The following SLC9B2 variants were observed in gnomAD, a reference collection of about 807,000 sequenced individuals.
The protein encoded by SLC9B2 is solute carrier family 9 member B2.
In SLC9B2, 39 loss-of-function variants were observed where a neutral mutation model predicts 52.2. The observed-to-expected ratio is 0.75, with a 90% CI of 0.58 to 0.98. The LOEUF (loss-of-function observed/expected upper bound fraction) is 0.98, where lower values mean the gene tolerates loss of function less well. Among genes scored for constraint, SLC9B2 ranks in the 50% least tolerant of loss-of-function variants. The pLI is 0.00. For synonymous variants in SLC9B2, 214 were observed against 227.0 expected (o/e 0.94, Z 0.51); for missense variants, 626 against 637.5 (o/e 0.98, Z 0.19).
intron 1 of SLC9B2, among the ~76,000 whole-genome samples, chr4:103,073,953 T>G (rs958469049): frequency 4.6e-5 from 7 of 152,216 alleles, no homozygotes; most frequent in Admixed American, 2.0e-4. Flanking sequence ...AATCAATCTC[T>G]GTAACACCAT....
At chr4:103,067,742 G>T (rs7674212) in intron 1 of SLC9B2, 150 bp from the exon 2 acceptor site, 251,112 of 552,728 alleles carry the variant, frequency 0.45, 61,818 homozygotes, top group African/African-American at 0.84. Context: ...GCTGGTTATT[G>T]TTTTTGCTTG....
chr4:103,049,282 A>C (rs1560550690), intron 5 of SLC9B2, among the ~76,000 whole-genome samples: 1 of 152,230 alleles, frequency 6.6e-6, no homozygotes, highest in African/African-American at 2.4e-5. Flanking sequence ...CACAGGCTAA[A>C]GGCATTTGCC....
At chr4:103,062,667 C>T (rs1745770025) in intron 3 of SLC9B2, among the ~76,000 whole-genome samples, 2 of 152,186 alleles carry the variant, frequency 1.3e-5, no homozygotes, top group Non-Finnish European at 2.9e-5. Context: ...GTCACCCAGG[C>T]TGCAGTGCAA....
Position 103,022,890 on chromosome 4 carries a change from G to A in SLC9B2, c.*3480C>T, listed in dbSNP as rs1363902833. ...CCCTTATAAGAAGAGACACCAGAGAGCTTGCTTGCTCTCTCTCGGCATCAA... is the reference window on the plus strand; with the variant it reads ...CCCTTATAAGAAGAGACACCAGAGAACTTGCTTGCTCTCTCTCGGCATCAA... On this transcript the variant is annotated 3_prime_UTR_variant, in exon 12 of 12. Coordinates refer to ENST00000394785, the MANE Select transcript of SLC9B2 (RefSeq NM_178833.7). Among the ~76,000 whole-genome samples, 1 of 152,178 alleles carries A rather than the reference G, an allele frequency of 6.6e-6. No individual in the cohort carries two copies. Among genetic ancestry groups the A allele is most frequent in the Non-Finnish European group, 1.5e-5 (1 of 68,032 alleles).
At chr4:103,059,411 C>T (rs1468795455) in intron 3 of SLC9B2, among the ~76,000 whole-genome samples, 1 of 152,148 alleles carries the variant, frequency 6.6e-6, no homozygotes, top group African/African-American at 2.4e-5. Flanking sequence ...TAAATTTCAA[C>T]AAAAGGAAAA....
At chr4:103,072,056 G>GTTTTTTTTTT (rs779979130) in intron 1 of SLC9B2, among the ~76,000 whole-genome samples, 4,099 of 94,894 alleles carry the variant, frequency 0.043, 533 homozygotes, top group South Asian at 0.076. Context: ...TGGCTTTCAT[G>GTTTTTTTTTT]TTTTTTTTTT....
chr4:103,019,708 G>A (rs1741653897), downstream of SLC9B2: 8 of 985,410 alleles, frequency 8.1e-6, no homozygotes, highest in Admixed American at 1.2e-4. Flanking sequence ...GCGAAAGCCC[G>A]GATAGACTTC....
chr4:103,045,119 T>C (rs1487376098), intron 7 of SLC9B2, 123 bp from the exon 8 acceptor site: 4 of 644,600 alleles, frequency 6.2e-6, no homozygotes, highest in Non-Finnish European at 1.1e-5. Flanking sequence ...AGTTTCTGCT[T>C]TCCATATTCT....
chr4:103,033,310 C>G (rs1285195389), intron 9 of SLC9B2, among the ~76,000 whole-genome samples: 1 of 152,174 alleles, frequency 6.6e-6, no homozygotes, highest in South Asian at 2.1e-4. Flanking sequence ...AACCCAGAGA[C>G]AGCATCATCA....
At chr4:103,055,548 T>C (rs1344157745) in intron 4 of SLC9B2, among the ~76,000 whole-genome samples, 1 of 152,046 alleles carries the variant, frequency 6.6e-6, no homozygotes, top group African/African-American at 2.4e-5. Context: ...GATAAATAAT[T>C]CTACTTCTTT....
At chr4:103,027,274 T>C (rs1742307508) in intron 11 of SLC9B2, among the ~76,000 whole-genome samples, 1 of 152,264 alleles carries the variant, frequency 6.6e-6, no homozygotes, top group South Asian at 2.1e-4. Context: ...TTTAGGAATG[T>C]GGAACTAAAA....
intron 6 of SLC9B2, among the ~76,000 whole-genome samples, chr4:103,048,133 T>C (rs1008317628): frequency 6.6e-6 from 1 of 152,256 alleles, no homozygotes; most frequent in African/African-American, 2.4e-5. Flanking sequence ...GTCACATTGA[T>C]ACCAGTAACA....
Position 103,025,017 on chromosome 4 carries a change from A to T in SLC9B2, c.*1353T>A, listed in dbSNP as rs1742080448. The stretch of plus-strand genomic sequence containing the variant: ...GAATATGCTACTGAATGATGGTAAC[A>T]TCCAACACAGTGGAAGCTCTGGCCC... On this transcript the variant is annotated 3_prime_UTR_variant, in exon 12 of 12. Coordinates refer to ENST00000394785, the MANE Select transcript of SLC9B2 (RefSeq NM_178833.7). Among the ~76,000 whole-genome samples, 1 of 152,320 alleles carries T rather than the reference A, an allele frequency of 6.6e-6. No homozygotes were observed. Among genetic ancestry groups the T allele is most frequent in the Middle Eastern group, 3.4e-3 (1 of 294 alleles).
At chr4:103,058,183 A>T (rs1287276971) in intron 3 of SLC9B2, among the ~76,000 whole-genome samples, 2 of 152,174 alleles carry the variant, frequency 1.3e-5, no homozygotes, top group Non-Finnish European at 2.9e-5. Context: ...GAATCTGCCT[A>T]TGTGCCCCTC....
intron 9 of SLC9B2, among the ~76,000 whole-genome samples, chr4:103,036,770 G>A (rs1743218547): frequency 2.0e-5 from 3 of 151,616 alleles, no homozygotes; most frequent in Admixed American, 2.0e-4. Context: ...AATTGATAAT[G>A]CTTTTTTGGA....
chr4:103,045,370 A>T (rs1402929962), intron 7 of SLC9B2, among the ~76,000 whole-genome samples: 2 of 152,190 alleles, frequency 1.3e-5, no homozygotes, highest in African/African-American at 4.8e-5. Context: ...AATTTTATTT[A>T]GCTAGGATCG....
At position 103,044,991 on chromosome 4, in the gene SLC9B2, T is replaced by C. The variant is rs139956612; in HGVS notation, c.895A>G (p.Thr299Ala). ...CLGIAFSTGS[T>A]VFNVLRGVLE... ...ACTCCTCTGAGGACATTAAAGACAG[T>C]AGAGCCTGAAAAATATATTAAAAAA... The change falls in exon 8 of 12, where the codon ACT becomes GCT. Residue 299 changes from threonine (T) to alanine (A), a missense_variant. Thr to Ala is a moderately conservative substitution (Grantham distance 58). Coordinates refer to ENST00000394785, the MANE Select transcript of SLC9B2 (RefSeq NM_178833.7). The C allele has an allele frequency of 1.3e-5, 21 of 1,608,098 alleles. No homozygotes were observed. The African/African-American group carries it at 2.4e-4, about 18-fold the overall frequency.
At chr4:103,028,935 G>A in intron 10 of SLC9B2, 52 bp from the exon 11 acceptor site, 1 of 1,385,576 alleles carries the variant, frequency 7.2e-7, no homozygotes, top group Admixed American at 2.8e-5. Flanking sequence ...GAGAGAAACT[G>A]CATCTCATGG....
intron 7 of SLC9B2, 21 bp downstream of exon 7, chr4:103,047,030 G>A: frequency 6.2e-7 from 1 of 1,611,764 alleles, no homozygotes. Flanking sequence ...AGTAAAGCCT[G>A]TTGTGAACTG....
Sources: gnomAD v4.1 joint callset for allele counts (sites outside exome capture counted in the v4.1 genomes callset) on GRCh38, gnomAD v4.1.1 for gene constraint, MANE v1.5 for transcripts, NCBI Gene and HGNC (gene_info 2026-07-23, HGNC 2026-07-21) for gene names.